GPR161: variants seen among roughly 807,000 people sequenced by gnomAD.
GPR161 encodes G-protein coupled receptor RE2.
GPR161 carries 25 observed loss-of-function variants against 39.2 expected under a neutral mutation model. The ratio of observed to expected loss-of-function variants is 0.64; its 90% CI spans 0.47 to 0.89. The LOEUF (loss-of-function observed/expected upper bound fraction) is 0.89, where lower values mean the gene tolerates loss of function less well. Among genes scored for constraint, GPR161 ranks in the 40% least tolerant of loss-of-function variants. The pLI is 0.00. For missense variants in GPR161, 547 were observed against 677.8 expected (o/e 0.81, Z 2.14); for synonymous variants, 286 against 276.6 (o/e 1.03, Z -0.34).
chr1:168,095,752 G>A (rs969521008), intron 3 of GPR161, among the ~76,000 whole-genome samples: 2 of 152,168 alleles, frequency 1.3e-5, no homozygotes, highest in Non-Finnish European at 2.9e-5. Context: ...GTGCTGACAA[G>A]AGGAAACACT....
At chr1:168,103,293 A>T (rs1032922391) in intron 2 of GPR161, among the ~76,000 whole-genome samples, 2 of 152,214 alleles carry the variant, frequency 1.3e-5, no homozygotes, top group African/African-American at 4.8e-5. Context: ...CCTATTTCAA[A>T]AATTTGCTGT....
At chr1:168,109,249 A>T (rs1696909058) in intron 1 of GPR161, among the ~76,000 whole-genome samples, 1 of 152,226 alleles carries the variant, frequency 6.6e-6, no homozygotes, top group South Asian at 2.1e-4. Flanking sequence ...CATGTTTCTT[A>T]TTTCAAATGC....
At chr1:168,133,622 G>A (rs1699158636) in intron 1 of GPR161, among the ~76,000 whole-genome samples, 2 of 152,096 alleles carry the variant, frequency 1.3e-5, no homozygotes, top group African/African-American at 2.4e-5. Context: ...TATATGACCC[G>A]ATTTATGTTT....
chr1:168,115,542 A>T (rs541472577), intron 1 of GPR161, among the ~76,000 whole-genome samples: 1 of 152,110 alleles, frequency 6.6e-6, no homozygotes, highest in South Asian at 2.1e-4. Context: ...GGATCAGAAG[A>T]TCTATGTCCC....
chr1:168,095,652 G>A (rs76322871), intron 3 of GPR161, among the ~76,000 whole-genome samples: 10 of 152,204 alleles, frequency 6.6e-5, no homozygotes, highest in East Asian at 3.9e-4. Flanking sequence ...GGACACCCCC[G>A]GATTGTCTGG....
At chr1:168,133,971 G>C in intron 1 of GPR161, 1 of 453,476 alleles carries the variant, frequency 2.2e-6, no homozygotes. Context: ...GGGAGAAGGA[G>C]TAGAGAAGAG....
intron 1 of GPR161, among the ~76,000 whole-genome samples, chr1:168,127,070 A>G (rs966633892): frequency 2.6e-5 from 4 of 152,236 alleles, no homozygotes; most frequent in Non-Finnish European, 5.9e-5. Flanking sequence ...AGAGGAATCT[A>G]CGAGGTAATG....
intron 1 of GPR161, among the ~76,000 whole-genome samples, chr1:168,119,216 A>ACATATATATACGTATATATATACGTG (rs1697899114): frequency 8.3e-5 from 10 of 121,208 alleles, no homozygotes; most frequent in East Asian, 2.3e-4. Context: ...ATATGTATAC[A>ACATATATATACGTATATATATACGTG]TATATATATA....
chr1:168,107,203 A>G (rs1696691620), intron 1 of GPR161, among the ~76,000 whole-genome samples: 1 of 152,126 alleles, frequency 6.6e-6, no homozygotes, highest in African/African-American at 2.4e-5. Context: ...ATCTGTAAAG[A>G]ACTAGTTAAA....
intron 1 of GPR161, chr1:168,136,305 C>A: frequency 6.8e-7 from 1 of 1,481,010 alleles, no homozygotes; most frequent in Non-Finnish European, 8.9e-7. Context: ...TCTCCCCACA[C>A]CCTTTGCCCT....
chr1:168,137,407 G>A, upstream of GPR161: 2 of 1,535,090 alleles, frequency 1.3e-6, no homozygotes, highest in Non-Finnish European at 1.7e-6. Flanking sequence ...TCATCCAGCC[G>A]ACGGGCACGA....
intron 1 of GPR161, among the ~76,000 whole-genome samples, chr1:168,106,566 G>A (rs1050861568): frequency 7.9e-5 from 12 of 152,208 alleles, no homozygotes; most frequent in Admixed American, 3.3e-4. Context: ...CAGCCTGGGT[G>A]ACAAAGCAAG....
At chr1:168,108,912 G>A (rs1332954524) in intron 1 of GPR161, among the ~76,000 whole-genome samples, 2 of 152,106 alleles carry the variant, frequency 1.3e-5, no homozygotes, top group Non-Finnish European at 2.9e-5. Flanking sequence ...CTATAACCAC[G>A]CTTATGTTGG....
chr1:168,136,765 G>A lies in GPR161; in HGVS notation c.-71C>T, dbSNP rs1443994898. On this transcript the variant is annotated 5_prime_UTR_variant, in exon 1 of 6. Transcript: ENST00000682931. The stretch of plus-strand genomic sequence containing the variant: ...GAGGAGCGGCCGCCGCGGCAGCTCA[G>A]GCCCCGGCCCAGCCGCCTCCCCGCC... 13 of 990,458 alleles carry A rather than the reference G, an allele frequency of 1.3e-5. No homozygotes were observed. The highest frequency in any genetic ancestry group is 1.6e-5 in the Non-Finnish European group (13 of 833,968). 61.4% of individuals were successfully genotyped at this position (990,458 alleles called of 1,614,324 possible). A position where few individuals can be genotyped will look rare whatever the true frequency, so the allele number is the denominator to read the frequency against.
Position 168,096,503 on chromosome 1 carries a change from G to A in GPR161, c.1099+5C>T. 1 of 1,611,606 alleles carries A rather than the reference G, an allele frequency of 6.2e-7. No individual in the cohort carries two copies. The highest frequency in any genetic ancestry group is 8.5e-7 in the Non-Finnish European group (1 of 1,178,620). On this transcript the variant is annotated splice_donor_5th_base_variant and intron_variant, in intron 3 of 5. Transcript: ENST00000682931. ...GAGGGGCTATCCTAACAATGCCCAA[G>A]TTACCTGTGATCCTGTTGGAAATGC... is the stretch of plus-strand genomic sequence containing the variant.
chr1:168,130,412 A>G (rs543160290), intron 1 of GPR161, among the ~76,000 whole-genome samples: 10 of 152,306 alleles, frequency 6.6e-5, no homozygotes, highest in Admixed American at 6.5e-4. Context: ...CCCCCTTGCC[A>G]GAGCTGCTGG....
chr1:168,117,261 TTAA>T lies in GPR161; in HGVS notation c.-44-12370_-44-12368del, dbSNP rs551881498. On this transcript the variant is annotated intron_variant, in intron 1 of 5. Coordinates refer to ENST00000682931, the MANE Select transcript of GPR161 (RefSeq NM_001375883.1). ...AATTTTATCATTTCCAGAGTATTGC[TTAA>T]TTATTAACTAATAATGACAGTATTT... Among the ~76,000 whole-genome samples, 23 of 152,352 alleles carry T rather than the reference TTAA, an allele frequency of 1.5e-4. No homozygotes were observed. The South Asian group carries it at 1.9e-3, about 12-fold the overall frequency.
Position 168,085,138 on chromosome 1 carries a change from T to C in GPR161, c.*393A>G. ...TGAGGCATCTGGCACAGTGCACGGC[T>C]GGACTCCCAGCACACTGTGAAGAGG... is the stretch of plus-strand genomic sequence containing the variant. On this transcript the variant is annotated 3_prime_UTR_variant, in exon 6 of 6. Transcript: ENST00000682931. 1 of 459,740 alleles carries C rather than the reference T, an allele frequency of 2.2e-6. No individual in the cohort carries two copies. Among genetic ancestry groups the C allele is most frequent in the South Asian group, 1.6e-5 (1 of 63,450 alleles). The allele number at this position is 459,740 out of a possible 1,614,324, so 28.5% of individuals were successfully genotyped here. A position where few individuals can be genotyped will look rare whatever the true frequency, so the allele number is the denominator to read the frequency against.
chr1:168,134,971 G>A (rs1397140862), intron 1 of GPR161: 6 of 1,535,634 alleles, frequency 3.9e-6, no homozygotes, highest in South Asian at 3.6e-5. Flanking sequence ...AACCCAAACA[G>A]AGAGCTCGCA....
Sources: allele counts gnomAD v4.1 joint callset (sites outside exome capture counted in the v4.1 genomes callset), GRCh38; gene constraint gnomAD v4.1.1; transcripts MANE v1.5; gene names NCBI Gene and HGNC (gene_info 2026-07-23, HGNC 2026-07-21).